Variants in VEGFC observed in about 807,000 individuals in gnomAD.
VEGFC encodes the protein FLT4 ligand DHM.
A neutral mutation model predicts 46.1 loss-of-function variants in VEGFC; 12 were observed. The ratio of observed to expected loss-of-function variants is 0.26; its 90% CI spans 0.17 to 0.42. VEGFC has a LOEUF of 0.42. Among genes scored for constraint, VEGFC ranks in the 10% least tolerant of loss-of-function variants. VEGFC has a pLI of 1.00. For synonymous variants in VEGFC, 232 were observed against 195.5 expected (o/e 1.19, Z -1.56); for missense variants, 488 against 529.4 (o/e 0.92, Z 0.77).
chr4:176,762,938 A>G (rs900204855), intron 1 of VEGFC, among the ~76,000 whole-genome samples: 1 of 152,214 alleles, frequency 6.6e-6, no homozygotes, highest in African/African-American at 2.4e-5. Flanking sequence ...TCCTCTCAAT[A>G]TAAGGGCAAA....
At chr4:176,710,951 T>G (rs781761750) in intron 4 of VEGFC, among the ~76,000 whole-genome samples, 19 of 152,124 alleles carry the variant, frequency 1.2e-4, no homozygotes, top group Non-Finnish European at 5.9e-5. Context: ...AACAGAAATT[T>G]TTTTCAAGTA....
At chr4:176,783,748 T>C (rs1735952242) in intron 1 of VEGFC, among the ~76,000 whole-genome samples, 1 of 152,198 alleles carries the variant, frequency 6.6e-6, no homozygotes. Context: ...CTACAGTATG[T>C]AGCCTCCAGA....
intron 1 of VEGFC, among the ~76,000 whole-genome samples, chr4:176,747,708 C>G (rs1735280475): frequency 6.6e-6 from 1 of 152,080 alleles, no homozygotes; most frequent in African/African-American, 2.4e-5. Context: ...GCAGGAGGAT[C>G]CCTTGAGCCC....
intron 4 of VEGFC, among the ~76,000 whole-genome samples, chr4:176,707,365 T>G (rs1037526926): frequency 2.0e-5 from 3 of 152,228 alleles, no homozygotes; most frequent in African/African-American, 7.2e-5. Context: ...TGGTGGTGAT[T>G]GTTCCTCTTA....
chr4:176,770,673 C>G (rs1735705913), intron 1 of VEGFC, among the ~76,000 whole-genome samples: 1 of 152,016 alleles, frequency 6.6e-6, no homozygotes, highest in Non-Finnish European at 1.5e-5. Flanking sequence ...GATCACTGCC[C>G]CTGAAAAATA....
At chr4:176,773,711 C>A (rs1004051642) in intron 1 of VEGFC, among the ~76,000 whole-genome samples, 14 of 152,112 alleles carry the variant, frequency 9.2e-5, no homozygotes, top group Non-Finnish European at 1.0e-4. Context: ...GAGACAGGGT[C>A]TTGCTCTGTT....
intron 1 of VEGFC, among the ~76,000 whole-genome samples, chr4:176,779,372 T>C (rs1735868795): frequency 6.6e-6 from 1 of 152,192 alleles, no homozygotes; most frequent in African/African-American, 2.4e-5. Context: ...TTAGTAAAAG[T>C]AGTTTGAAGT....
intron 1 of VEGFC, among the ~76,000 whole-genome samples, chr4:176,750,413 A>G (rs1046671220): frequency 2.0e-5 from 3 of 151,808 alleles, no homozygotes; most frequent in Non-Finnish European, 4.4e-5. Context: ...AAGAAAATAT[A>G]CTATATAGAT....
intron 4 of VEGFC, chr4:176,689,736 A>G (rs1734115057): frequency 6.6e-6 from 1 of 152,112 alleles, no homozygotes; most frequent in African/African-American, 2.4e-5. Context: ...TTGCTGTGTT[A>G]TTTGCTATGC....
intron 4 of VEGFC, among the ~76,000 whole-genome samples, chr4:176,692,719 A>G (rs376573672): frequency 6.7e-6 from 1 of 149,100 alleles, no homozygotes; most frequent in Admixed American, 6.6e-5. Context: ...GCAGACTTAA[A>G]TGTCCCTGTC....
intron 1 of VEGFC, among the ~76,000 whole-genome samples, chr4:176,742,823 T>C (rs1351632430): frequency 6.6e-6 from 1 of 152,054 alleles, no homozygotes; most frequent in Non-Finnish European, 1.5e-5. Flanking sequence ...GTGTAAGTCT[T>C]GTTTATGATG....
intron 3 of VEGFC, among the ~76,000 whole-genome samples, chr4:176,725,040 T>C (rs1734850391): frequency 6.6e-6 from 1 of 152,152 alleles, no homozygotes; most frequent in East Asian, 1.9e-4. Flanking sequence ...ATATATTGTA[T>C]ATTTTTTAAA....
chr4:176,685,985 G>T (rs1734034879), intron 6 of VEGFC, among the ~76,000 whole-genome samples: 1 of 152,070 alleles, frequency 6.6e-6, no homozygotes, highest in African/African-American at 2.4e-5. Context: ...AAATAATAAT[G>T]AACATTAGTG....
chr4:176,699,096 T>C lies in VEGFC; in HGVS notation c.705-11169A>G, dbSNP rs115726736. 4.1e-3 allele frequency among the ~76,000 whole-genome samples: 628 copies of C among 152,332 alleles called. 3 individuals are homozygous for C. The highest frequency in any genetic ancestry group is 0.015 in the African/African-American group (604 of 41,574). ...GATACGAACTGTGTTATTAATCAAG[T>C]ACTCTCATTGGAAGCTCTTTTAATA... On this transcript the variant is annotated intron_variant, in intron 4 of 6. Coordinates refer to ENST00000618562, the MANE Select transcript of VEGFC (RefSeq NM_005429.5).
chr4:176,684,163 A>G (rs1733995280), intron 6 of VEGFC, 123 bp from the exon 7 acceptor site: 12 of 744,300 alleles, frequency 1.6e-5, no homozygotes, highest in Non-Finnish European at 2.7e-5. Context: ...TTATGACGAA[A>G]TTGTTCATAG....
chr4:176,777,277 A>G (rs980799313), intron 1 of VEGFC, among the ~76,000 whole-genome samples: 2 of 152,208 alleles, frequency 1.3e-5, no homozygotes, highest in Admixed American at 6.5e-5. Context: ...AGATCGCACC[A>G]CTGCACTCCA....
intron 3 of VEGFC, among the ~76,000 whole-genome samples, chr4:176,713,996 G>A (rs1245003251): frequency 6.6e-6 from 1 of 152,200 alleles, no homozygotes; most frequent in Non-Finnish European, 1.5e-5. Flanking sequence ...AGCAGCAGTG[G>A]AGACGGGGGA....
chr4:176,689,451 A>C (rs1734108024), intron 4 of VEGFC: 1 of 152,184 alleles, frequency 6.6e-6, no homozygotes, highest in South Asian at 2.1e-4. Context: ...TCATTTCTGA[A>C]GATTTACCAA....
intron 1 of VEGFC, among the ~76,000 whole-genome samples, chr4:176,766,154 C>G (rs757067082): frequency 2.6e-5 from 4 of 152,112 alleles, no homozygotes; most frequent in Admixed American, 6.5e-5. Flanking sequence ...AGGATAAATG[C>G]TATAAGGCCA....
Sources: gnomAD v4.1 joint callset for allele counts (sites outside exome capture counted in the v4.1 genomes callset) on GRCh38, gnomAD v4.1.1 for gene constraint, MANE v1.5 for transcripts, NCBI Gene and HGNC (gene_info 2026-07-23, HGNC 2026-07-21) for gene names.